The following PADI2 variants were observed in gnomAD, a reference collection of about 807,000 sequenced individuals.
The protein encoded by PADI2 is peptidyl arginine deiminase 2.
Under a neutral mutation model 81.1 loss-of-function variants are expected in PADI2, and 70 were observed. The observed-to-expected ratio is 0.86, with a 90% CI of 0.71 to 1.05. PADI2 has a LOEUF of 1.05. PADI2 is among the 50% of genes least tolerant of loss of function. PADI2 has a pLI of 0.00. For synonymous variants in PADI2, 338 were observed against 358.0 expected (o/e 0.94, Z 0.63); for missense variants, 853 against 889.9 (o/e 0.96, Z 0.53).
chr1:17,093,106 T>C (rs1228771099), intron 5 of PADI2, among the ~76,000 whole-genome samples: 1 of 151,980 alleles, frequency 6.6e-6, no homozygotes, highest in East Asian at 1.9e-4. Context: ...TTCTTCTTTT[T>C]TTTTCTTGAG....
Position 17,095,956 on chromosome 1 carries a change from C to T in PADI2, c.364G>A (p.Val122Met), listed in dbSNP as rs185176493. Residue 122 changes from valine to methionine, a missense_variant, in exon 4 of 16, where the codon GTG (valine) becomes ATG (methionine). Transcript: ENST00000375486. The stretch of plus-strand genomic sequence containing the variant: ...ACCACACCATCCCGGTCTGCGTCCA[C>T]ATCCAGGGAGATCTCTGGGGAGAAG... Reference protein sequence around the residue: ...FLTAIEISLDVDADRDGVVEK... With the variant: ...FLTAIEISLDMDADRDGVVEK... 3.1e-4 allele frequency: 492 copies of T among 1,606,322 alleles called. 7 individuals are homozygous for T. The Admixed American group carries it at 8.1e-3, about 26-fold the overall frequency.
At position 17,094,942 on chromosome 1, in the gene PADI2, C is replaced by T. The variant is rs1290053733; in HGVS notation, c.411+967G>A. The stretch of plus-strand genomic sequence containing the variant: ...TCTCAGGCAAGCCTTGCTCACGATC[C>T]TAGAAGAAGGGACTTCCCCACATGG... On this transcript the variant is annotated intron_variant, in intron 4 of 15. Coordinates refer to ENST00000375486, the MANE Select transcript of PADI2 (RefSeq NM_007365.3). Among the ~76,000 whole-genome samples, 4 of 152,190 alleles carry T rather than the reference C, an allele frequency of 2.6e-5. No individual in the cohort carries two copies. In the East Asian group the frequency reaches 7.7e-4, roughly 29 times the overall value.
intron 10 of PADI2, among the ~76,000 whole-genome samples, chr1:17,079,675 TGTGA>T (rs936573336): frequency 3.3e-5 from 5 of 151,726 alleles, no homozygotes; most frequent in Middle Eastern, 3.2e-3. Flanking sequence ...TGAGTGTGAA[TGTGA>T]GTGTGTGGGC....
chr1:17,090,910 A>G (rs1343171159), intron 6 of PADI2, among the ~76,000 whole-genome samples: 3 of 152,122 alleles, frequency 2.0e-5, no homozygotes, highest in Admixed American at 2.0e-4. Context: ...ATTATTTGCA[A>G]CAGGTCTCGT....
chr1:17,081,661 C>G (rs1570983196), intron 10 of PADI2, among the ~76,000 whole-genome samples: 1 of 152,210 alleles, frequency 6.6e-6, no homozygotes, highest in Non-Finnish European at 1.5e-5. Context: ...CAAACCTCCC[C>G]CAGCCTGTTC....
Position 17,069,173 on chromosome 1 carries a change from C to A in PADI2, c.1869G>T (p.Glu623Asp). The A allele has an allele frequency of 1.2e-6, 2 of 1,614,224 alleles. No individual in the cohort carries two copies. The highest frequency in any genetic ancestry group is 2.2e-5 in the South Asian group (2 of 91,088). The change falls in exon 16 of 16, where the codon GAG (glutamate) becomes GAT (aspartate). Residue 623 changes from glutamate to aspartate, a missense_variant. By Grantham distance (45) the Glu-to-Asp change is conservative. Coordinates refer to ENST00000375486, the MANE Select transcript of PADI2 (RefSeq NM_007365.3). ...TGAAGGTGCATTCGAGGCCCAGGGG[C>A]TCCAGGAGGCCACGCACGTGCATCT... ...CLEMHVRGLL[E>D]PLGLECTFID...
intron 1 of PADI2, among the ~76,000 whole-genome samples, chr1:17,114,721 G>A (rs1167043565): frequency 6.6e-6 from 1 of 151,948 alleles, no homozygotes; most frequent in South Asian, 2.1e-4. Flanking sequence ...GGTAGTCAAA[G>A]AAAGCTTCCT....
chr1:17,098,614 C>T (rs539195272), intron 3 of PADI2, among the ~76,000 whole-genome samples: 3 of 152,352 alleles, frequency 2.0e-5, no homozygotes, highest in African/African-American at 7.2e-5. Flanking sequence ...AGACAGGTTT[C>T]GTTACCTTCC....
chr1:17,091,626 C>T (rs1337842195), intron 6 of PADI2, among the ~76,000 whole-genome samples: 2 of 152,088 alleles, frequency 1.3e-5, no homozygotes, highest in Non-Finnish European at 2.9e-5. Flanking sequence ...CCTCAGCTCA[C>T]GAGTGGCTGG....
chr1:17,098,693 T>A (rs1557768765), intron 3 of PADI2, among the ~76,000 whole-genome samples: 2 of 152,196 alleles, frequency 1.3e-5, no homozygotes, highest in African/African-American at 4.8e-5. Context: ...CAGGGCTTCA[T>A]AACTCCTCTC....
chr1:17,102,757 G>GGGC (rs1361714188), intron 3 of PADI2, among the ~76,000 whole-genome samples: 1 of 151,362 alleles, frequency 6.6e-6, no homozygotes, highest in Non-Finnish European at 1.5e-5. Flanking sequence ...CACTTGGGGG[G>GGGC]GGGTTGCTGA....
rs566795596 is a variant in PADI2 at position 17,076,547 on chromosome 1, C to T, written c.1311-724G>A. Among the ~76,000 whole-genome samples, 12 of 152,092 alleles carry T rather than the reference C, an allele frequency of 7.9e-5. No individual in the cohort carries two copies. The South Asian group carries it at 2.3e-3, about 29-fold the overall frequency. On this transcript the variant is annotated intron_variant, in intron 11 of 15. Transcript: ENST00000375486. ...TCTTTAATCAGTTCAAGAGAAACCT[C>T]CTCCAGGAAGCCCTTCCTCATTTCT...
In PADI2 at chr1:17,075,754, C is replaced by T; in HGVS notation, c.1380G>A (p.Val460=). The T allele has an allele frequency of 6.2e-7, 1 of 1,614,000 alleles. No homozygotes were observed. The highest frequency in any genetic ancestry group is 8.5e-7 in the Non-Finnish European group (1 of 1,179,900). ...CAGTCAGCCAGTCTGAGTAGAGCTC[C>T]ACGGGCGCCTGCACCTGCTGGGCCT... ...FLKAQQVQAP[V]ELYSDWLTVG... is the part of the protein sequence containing the mutation. The change falls in exon 12 of 16, where the codon GTG becomes GTA. Residue 460 remains valine, a synonymous_variant. Coordinates refer to ENST00000375486, the MANE Select transcript of PADI2 (RefSeq NM_007365.3).
At chr1:17,106,196 GT>G (rs1931368946) in intron 1 of PADI2, among the ~76,000 whole-genome samples, 1 of 152,098 alleles carries the variant, frequency 6.6e-6, no homozygotes, top group Admixed American at 6.6e-5. Flanking sequence ...ATTTCTTGGG[GT>G]TCAAAAGTGG....
intron 13 of PADI2, among the ~76,000 whole-genome samples, chr1:17,073,229 A>G (rs1408807199): frequency 6.6e-6 from 1 of 152,100 alleles, no homozygotes; most frequent in Non-Finnish European, 1.5e-5. Flanking sequence ...CATCCCGGCT[A>G]ACATGGTGAA....
intron 14 of PADI2, 95 bp from the exon 15 acceptor site, chr1:17,070,311 G>T (rs2078256581): frequency 2.0e-6 from 3 of 1,512,060 alleles, no homozygotes; most frequent in South Asian, 2.4e-5. Context: ...CAGGCCAGGG[G>T]CCCCGGCACT....
At position 17,067,279 on chromosome 1, in the gene PADI2, T is replaced by C. The variant is rs1019601590; in HGVS notation, c.*1765A>G. 9.6e-5 allele frequency: 14 copies of C among 146,596 alleles called. 1 individual carries two copies. Among genetic ancestry groups the C allele is most frequent in the Non-Finnish European group, 1.9e-4 (13 of 66,840 alleles). 9.1% of individuals were successfully genotyped at this position (146,596 alleles called of 1,614,324 possible). A position where few individuals can be genotyped will look rare whatever the true frequency, so the allele number is the denominator to read the frequency against. On this transcript the variant is annotated 3_prime_UTR_variant, in exon 16 of 16. Coordinates refer to ENST00000375486, the MANE Select transcript of PADI2 (RefSeq NM_007365.3). ...ACACACACACACACATGACAAACTC[T>C]AAGTCTCCAGACAGACACCCTCAAA...
intron 6 of PADI2, among the ~76,000 whole-genome samples, chr1:17,090,212 C>T (rs1469764936): frequency 6.6e-6 from 1 of 152,208 alleles, no homozygotes; most frequent in African/African-American, 2.4e-5. Flanking sequence ...GAGAGCTTTC[C>T]AAAGGCCAGC....
intron 1 of PADI2, among the ~76,000 whole-genome samples, chr1:17,116,678 C>T (rs1427957698): frequency 2.0e-5 from 3 of 152,142 alleles, no homozygotes; most frequent in African/African-American, 7.2e-5. Flanking sequence ...AGACCTGGAC[C>T]TGAGTCCTGT....
Sources: allele counts gnomAD v4.1 joint callset (sites outside exome capture counted in the v4.1 genomes callset), GRCh38; gene constraint gnomAD v4.1.1; transcripts MANE v1.5; gene names NCBI Gene and HGNC (gene_info 2026-07-23, HGNC 2026-07-21).